The following PARD6G variants were observed in gnomAD, a reference collection of about 807,000 sequenced individuals.
PARD6G encodes partitioning defective 6 homolog gamma.
A neutral mutation model predicts 10.7 loss-of-function variants in PARD6G; 7 were observed. The ratio of observed to expected loss-of-function variants is 0.66; its 90% CI spans 0.37 to 1.23. The LOEUF (loss-of-function observed/expected upper bound fraction) is 1.23, where lower values mean the gene tolerates loss of function less well. PARD6G is among the 50% of genes most tolerant of loss of function. The pLI is 0.02. For synonymous variants in PARD6G, 287 were observed against 269.4 expected (o/e 1.07, Z -0.64); for missense variants, 548 against 571.8 (o/e 0.96, Z 0.42).
intron 2 of PARD6G, chr18:80,170,674 A>G (rs867007182): frequency 2.6e-5 from 4 of 152,296 alleles, no homozygotes; most frequent in African/African-American, 9.6e-5. Context: ...GGCAGCCTCA[A>G]CCAACGAAAA....
In PARD6G at chr18:80,247,373, C is replaced by A. The variant is rs1407796907; in HGVS notation, c.-25G>T. The A allele has an allele frequency of 1.3e-6, 2 of 1,543,108 alleles. No homozygotes were observed. The highest frequency in any genetic ancestry group is 1.8e-6 in the Non-Finnish European group (2 of 1,142,262). ...TGGTTTCGGCCCCGGTCAGCCTCGC[C>A]GTCGCCCTCGCTCCTCAGGGGCCGC... On this transcript the variant is annotated 5_prime_UTR_variant, in exon 1 of 3. Coordinates refer to ENST00000353265, the MANE Select transcript of PARD6G (RefSeq NM_032510.4). The surrounding 1 kb of genome is among the most constrained non-coding windows in gnomAD (Gnocchi z 4.2).
At chr18:80,195,550 T>C (rs1228023390) in intron 2 of PARD6G, among the ~76,000 whole-genome samples, 10 of 89,326 alleles carry the variant, frequency 1.1e-4, no homozygotes, top group African/African-American at 1.9e-4. Context: ...CAAAGATACA[T>C]ATATATATAT....
At chr18:80,229,228 A>G (rs1032262139) in intron 1 of PARD6G, among the ~76,000 whole-genome samples, 2 of 152,200 alleles carry the variant, frequency 1.3e-5, no homozygotes, top group Non-Finnish European at 2.9e-5. Flanking sequence ...GTGAGCCACC[A>G]CAATTGGCCA....
In PARD6G at chr18:80,200,514, G is replaced by A. The variant is rs145680900; in HGVS notation, c.295+2196C>T. 7.4e-4 allele frequency among the ~76,000 whole-genome samples: 113 copies of A among 152,274 alleles called. No individual in the cohort carries two copies. Among genetic ancestry groups the A allele is most frequent in the Non-Finnish European group, 1.3e-3 (86 of 68,034 alleles). On this transcript the variant is annotated intron_variant, in intron 2 of 2. Coordinates refer to ENST00000353265, the MANE Select transcript of PARD6G (RefSeq NM_032510.4). This position sits in a 1 kb window ranked among gnomAD's most constrained non-coding sequence, Gnocchi z 4.4. Reference sequence around the variant, plus strand: ...ACGGTAGAGCTCTGCGGGATGAGGCGTGTGTTTGTGTCACAAAGCCAGGGA... The same window carrying A: ...ACGGTAGAGCTCTGCGGGATGAGGCATGTGTTTGTGTCACAAAGCCAGGGA...
intron 1 of PARD6G, among the ~76,000 whole-genome samples, chr18:80,239,844 T>C (rs1199270763): frequency 6.6e-6 from 1 of 151,950 alleles, no homozygotes; most frequent in East Asian, 1.9e-4. Context: ...TCAATACATT[T>C]TAATTGGTAA....
chr18:80,241,185 G>C (rs1568445714), intron 1 of PARD6G, among the ~76,000 whole-genome samples: 3 of 152,226 alleles, frequency 2.0e-5, no homozygotes, highest in Non-Finnish European at 4.4e-5. Flanking sequence ...AGCTGGGAAT[G>C]TGTGCACCTG....
At chr18:80,178,695 T>C (rs1408786010) in intron 2 of PARD6G, among the ~76,000 whole-genome samples, 1 of 152,166 alleles carries the variant, frequency 6.6e-6, no homozygotes, top group Non-Finnish European at 1.5e-5. Context: ...CTCACAGAGT[T>C]TGAAGGAGTG....
intron 2 of PARD6G, 92 bp from the exon 3 acceptor site, chr18:80,160,698 G>A (rs575727490): frequency 2.5e-5 from 35 of 1,415,232 alleles, no homozygotes; most frequent in Non-Finnish European, 3.0e-5. Flanking sequence ...TTCCATCTGC[G>A]TGACGCCGAA....
intron 1 of PARD6G, among the ~76,000 whole-genome samples, chr18:80,220,885 T>C (rs1054380035): frequency 6.6e-6 from 1 of 152,158 alleles, no homozygotes; most frequent in Non-Finnish European, 1.5e-5. Flanking sequence ...CCTAAAAGTT[T>C]TCTAAAATAA....
At chr18:80,194,327 C>T (rs1011574105) in intron 2 of PARD6G, among the ~76,000 whole-genome samples, 1 of 152,122 alleles carries the variant, frequency 6.6e-6, no homozygotes, top group Non-Finnish European at 1.5e-5. Flanking sequence ...ATAAAGGTGC[C>T]AAATGGGCCC....
intron 1 of PARD6G, among the ~76,000 whole-genome samples, chr18:80,203,685 C>T (rs571746906): frequency 1.3e-5 from 2 of 152,178 alleles, no homozygotes; most frequent in Non-Finnish European, 2.9e-5. Context: ...TTAGGAAACT[C>T]AGAGGCAGGA....
chr18:80,221,577 T>C (rs1453062267), intron 1 of PARD6G, among the ~76,000 whole-genome samples: 3 of 152,188 alleles, frequency 2.0e-5, no homozygotes, highest in Non-Finnish European at 4.4e-5. Flanking sequence ...AGAATATCTA[T>C]GAAAACTCAC....
intron 2 of PARD6G, among the ~76,000 whole-genome samples, chr18:80,171,984 G>A (rs1277687094): frequency 6.6e-6 from 1 of 152,234 alleles, no homozygotes; most frequent in Non-Finnish European, 1.5e-5. Flanking sequence ...TGGTTTGGAT[G>A]TTCAGTCTGG....
intron 2 of PARD6G, among the ~76,000 whole-genome samples, chr18:80,193,127 G>T (rs1966913591): frequency 6.6e-6 from 1 of 152,128 alleles, no homozygotes; most frequent in Non-Finnish European, 1.5e-5. Flanking sequence ...CCCCTCCTCA[G>T]CACTGATGCC....
At position 80,217,550 on chromosome 18, in the gene PARD6G, G is replaced by C. The variant is rs186956835; in HGVS notation, c.73-14618C>G. ...ATGTATCTTGATATGATGTGATCAA[G>C]ATACCACTTTACCACTGTCTTCTTC... On this transcript the variant is annotated intron_variant, in intron 1 of 2. Transcript: ENST00000353265. Among the ~76,000 whole-genome samples, 3 of 152,262 alleles carry C rather than the reference G, an allele frequency of 2.0e-5. No individual in the cohort carries two copies. In the East Asian group the frequency reaches 5.8e-4, roughly 29 times the overall value.
chr18:80,195,396 T>C (rs940261780), intron 2 of PARD6G, among the ~76,000 whole-genome samples: 1 of 151,448 alleles, frequency 6.6e-6, no homozygotes, highest in Non-Finnish European at 1.5e-5. Context: ...TGGGCAGCCA[T>C]GTACCTGGCC....
At chr18:80,168,190 A>G (rs953689390) in intron 2 of PARD6G, among the ~76,000 whole-genome samples, 1 of 152,172 alleles carries the variant, frequency 6.6e-6, no homozygotes, top group Admixed American at 6.5e-5. Context: ...GAGAACACAC[A>G]ACCTCAGCCT....
chr18:80,160,002 G>A lies in PARD6G; in HGVS notation c.900C>T (p.Asp300=). The part of the protein sequence containing the change: ...PDEAESDEDN[D]VVIEGTLEPA... The stretch of plus-strand genomic sequence containing the variant: ...GCTCCAGTGTGCCCTCGATGACGAC[G>A]TCGTTGTCCTCATCGCTCTCCGCCT... Residue 300 remains aspartate (D), a synonymous_variant, in exon 3 of 3, where the codon GAC becomes GAT. Coordinates refer to ENST00000353265, the MANE Select transcript of PARD6G (RefSeq NM_032510.4). The A allele has an allele frequency of 4.0e-6, 6 of 1,515,860 alleles. No individual in the cohort carries two copies. In the South Asian group the frequency reaches 5.3e-5, roughly 13 times the overall value. The allele number at this position is 1,515,860 out of a possible 1,614,324, so 93.9% of individuals were successfully genotyped here. A position where few individuals can be genotyped will look rare whatever the true frequency, so the allele number is the denominator to read the frequency against.
At chr18:80,245,793 C>G (rs577117172) in intron 1 of PARD6G, among the ~76,000 whole-genome samples, 1 of 152,260 alleles carries the variant, frequency 6.6e-6, no homozygotes, top group East Asian at 1.9e-4. Flanking sequence ...TAACCCACAG[C>G]TGGCACACTT....
Sources: gnomAD v4.1 joint callset for allele counts (sites outside exome capture counted in the v4.1 genomes callset) on GRCh38, gnomAD v4.1.1 for gene constraint, Gnocchi (gnomAD v3.1) non-coding constraint, MANE v1.5 for transcripts, NCBI Gene and HGNC (gene_info 2026-07-23, HGNC 2026-07-21) for gene names.